Variants in MAMDC2 observed in about 807,000 individuals in gnomAD.
MAMDC2 encodes MAM domain containing 2.
Under a neutral mutation model 89.8 loss-of-function variants are expected in MAMDC2, and 57 were observed. The observed-to-expected ratio is 0.63, with a 90% CI of 0.51 to 0.79. The LOEUF (loss-of-function observed/expected upper bound fraction) is 0.79. Ranked by LOEUF, MAMDC2 falls within the 30% of genes least tolerant of loss-of-function variation. MAMDC2 has a pLI of 0.00. For missense variants in MAMDC2, 800 were observed against 820.6 expected, an observed-to-expected ratio of 0.97 and a Z score of 0.31; for synonymous variants, 313 against 293.4, an observed-to-expected ratio of 1.07 and a Z score of -0.68.
At chr9:70,148,540 T>G (rs2031476345) in intron 9 of MAMDC2, among the ~76,000 whole-genome samples, 1 of 150,424 alleles carries the variant, frequency 6.6e-6, no homozygotes, top group African/African-American at 2.5e-5. Context: ...GCTCAATAAT[T>G]GTCTGTTGAC....
intron 2 of MAMDC2, among the ~76,000 whole-genome samples, chr9:70,084,712 T>A (rs1827729246): frequency 6.6e-6 from 1 of 152,162 alleles, no homozygotes; most frequent in African/African-American, 2.4e-5. Flanking sequence ...CCAGTTATTA[T>A]GATCCACTGA....
At chr9:70,177,734 G>T (rs1421103243) in intron 11 of MAMDC2, among the ~76,000 whole-genome samples, 1 of 152,122 alleles carries the variant, frequency 6.6e-6, no homozygotes, top group Non-Finnish European at 1.5e-5. Context: ...ACATTTGTCT[G>T]GTTCTAATGG....
chr9:70,133,214 T>A (rs2030872704), intron 7 of MAMDC2, among the ~76,000 whole-genome samples: 1 of 151,922 alleles, frequency 6.6e-6, no homozygotes, highest in Non-Finnish European at 1.5e-5. Context: ...GTAGAAGAGG[T>A]GTTTATCTAA....
intron 2 of MAMDC2, chr9:70,079,434 A>AGAGAATAGT: frequency 6.6e-6 from 1 of 152,188 alleles, no homozygotes; most frequent in Non-Finnish European, 1.5e-5. Flanking sequence ...CTACTGAGTG[A>AGAGAATAGT]GCCACCCAGC....
At chr9:70,135,339 C>T (rs2030962582) in intron 7 of MAMDC2, among the ~76,000 whole-genome samples, 1 of 152,154 alleles carries the variant, frequency 6.6e-6, no homozygotes, top group Non-Finnish European at 1.5e-5. Context: ...CTGAAACAAG[C>T]TTGAAGCAAA....
At chr9:70,084,889 G>A (rs1410198228) in intron 2 of MAMDC2, among the ~76,000 whole-genome samples, 2 of 152,060 alleles carry the variant, frequency 1.3e-5, no homozygotes, top group African/African-American at 4.8e-5. Flanking sequence ...CTGAATGAAT[G>A]TCAAACCCAG....
rs1015272639 is a variant in MAMDC2 at position 70,208,140 on chromosome 9, T to C, written c.1652-10197T>C. Among the ~76,000 whole-genome samples, 7 of 152,308 alleles carry C rather than the reference T, an allele frequency of 4.6e-5. No homozygotes were observed. The East Asian group carries it at 1.3e-3, about 29-fold the overall frequency. ...GCTCTTTTTTGATTCCACATGAACT[T>C]TAAAGTAGTTTTTTCCAATTCTGTG... On this transcript the variant is annotated intron_variant, in intron 11 of 13. Transcript: ENST00000377182.
intron 2 of MAMDC2, among the ~76,000 whole-genome samples, chr9:70,090,237 C>G (rs62570274): frequency 0.068 from 10,323 of 152,044 alleles, 484 homozygotes; most frequent in Non-Finnish European, 0.11. Flanking sequence ...CTTTGAGAGG[C>G]TGAGGCAGAA....
chr9:70,076,701 C>T (rs1342080057), intron 2 of MAMDC2, among the ~76,000 whole-genome samples: 2 of 152,098 alleles, frequency 1.3e-5, no homozygotes, highest in Non-Finnish European at 1.5e-5. Context: ...CTGTATGATG[C>T]CTCTCTCCTC....
intron 2 of MAMDC2, among the ~76,000 whole-genome samples, chr9:70,065,404 A>G (rs951613304): frequency 1.3e-5 from 2 of 152,144 alleles, no homozygotes; most frequent in African/African-American, 4.8e-5. Flanking sequence ...ATATGTAAAT[A>G]TTTGGGTAGT....
chr9:70,188,709 C>G (rs1038175783), intron 11 of MAMDC2: 2 of 147,324 alleles, frequency 1.4e-5, no homozygotes, highest in African/African-American at 5.0e-5. Context: ...CTTATAAGAA[C>G]AGATACTACA....
intron 11 of MAMDC2, among the ~76,000 whole-genome samples, chr9:70,207,534 C>T (rs1446547049): frequency 6.6e-6 from 1 of 152,224 alleles, no homozygotes; most frequent in East Asian, 1.9e-4. Flanking sequence ...GATATTAGCC[C>T]TTTGTCAGAT....
chr9:70,225,900 C>A lies in MAMDC2; in HGVS notation c.1996+66C>A, dbSNP rs1030888026. On this transcript the variant is annotated intron_variant, in intron 13 of 13. Coordinates refer to ENST00000377182, the MANE Select transcript of MAMDC2 (RefSeq NM_153267.5). ...GACTTTGCGATACTGTCTCAAACTA[C>A]AAGAATACAAATTAAATATTTTTCT... is the stretch of plus-strand genomic sequence containing the variant. 2.7e-6 allele frequency: 4 copies of A among 1,464,792 alleles called. No homozygotes were observed. In the African/African-American group the frequency reaches 4.2e-5, roughly 16 times the overall value. The allele number at this position is 1,464,792 out of a possible 1,614,324, so 90.7% of individuals were successfully genotyped here. A position where few individuals can be genotyped will look rare whatever the true frequency, so the allele number is the denominator to read the frequency against.
chr9:70,187,288 G>A (rs2032778142), intron 11 of MAMDC2, among the ~76,000 whole-genome samples: 1 of 151,448 alleles, frequency 6.6e-6, no homozygotes, highest in Admixed American at 6.6e-5. Context: ...CTTTCTTTTT[G>A]TTCTCAGTTC....
chr9:70,118,446 C>G (rs748383212), intron 5 of MAMDC2, among the ~76,000 whole-genome samples: 1 of 152,064 alleles, frequency 6.6e-6, no homozygotes, highest in Admixed American at 6.5e-5. Flanking sequence ...ATTTGAAAAG[C>G]TCTGCCCATA....
At chr9:70,069,292 A>C (rs967776814) in intron 2 of MAMDC2, among the ~76,000 whole-genome samples, 1 of 152,334 alleles carries the variant, frequency 6.6e-6, no homozygotes, top group African/African-American at 2.4e-5. Flanking sequence ...AAGTGTAAAG[A>C]GCCACATGAT....
rs1248859191 is a variant in MAMDC2, at chr9:70,198,864, T to G, written c.1652-19473T>G. On this transcript the variant is annotated intron_variant, in intron 11 of 13. Coordinates refer to ENST00000377182, the MANE Select transcript of MAMDC2 (RefSeq NM_153267.5). ...GAAGTTTATCTATAAAAGTTTGCTA[T>G]GAGACAAAAGAATATCACAACTCTG... Among the ~76,000 whole-genome samples the G allele has an allele frequency of 3.9e-5, 6 of 152,278 alleles. 1 individual carries two copies. Among genetic ancestry groups the G allele is most frequent in the East Asian group, 1.9e-4 (1 of 5,184 alleles).
intron 2 of MAMDC2, among the ~76,000 whole-genome samples, chr9:70,097,417 C>T (rs1438992539): frequency 1.3e-5 from 2 of 152,104 alleles, no homozygotes; most frequent in Non-Finnish European, 2.9e-5. Context: ...CTGAGAACAC[C>T]GAAAATTCAA....
intron 5 of MAMDC2, among the ~76,000 whole-genome samples, chr9:70,123,784 G>C (rs974598821): frequency 2.6e-5 from 4 of 152,192 alleles, no homozygotes; most frequent in Admixed American, 6.5e-5. Flanking sequence ...GATAAAGGCA[G>C]AGGCCTTCAA....
Sources: allele counts gnomAD v4.1 joint callset (sites outside exome capture counted in the v4.1 genomes callset), GRCh38; gene constraint gnomAD v4.1.1; transcripts MANE v1.5; gene names NCBI Gene and HGNC (gene_info 2026-07-23, HGNC 2026-07-21).